KCNIP4: variants seen among roughly 807,000 people sequenced by gnomAD.
KCNIP4 encodes Kv channel-interacting protein 4.
A neutral mutation model predicts 34.0 loss-of-function variants in KCNIP4; 12 were observed. The ratio of observed to expected loss-of-function variants is 0.35; its 90% confidence interval spans 0.23 to 0.57. KCNIP4 has a LOEUF of 0.57. Among genes scored for constraint, KCNIP4 ranks in the 20% least tolerant of loss-of-function variants. The pLI, the probability that KCNIP4 is intolerant of heterozygous loss-of-function variation, is 0.83. For missense variants in KCNIP4, 238 were observed against 311.7 expected (o/e 0.76, Z 1.78); for synonymous variants, 124 against 102.2 (o/e 1.21, Z -1.29).
chr4:21,798,092 CCTT>C (rs905374454), intron 1 of KCNIP4, among the ~76,000 whole-genome samples: 1 of 151,130 alleles, frequency 6.6e-6, no homozygotes, highest in Non-Finnish European at 1.5e-5. Context: ...CTTTCTCTCT[CCTT>C]AAGATGTTGC....
chr4:21,394,680 T>A (rs939762810), intron 1 of KCNIP4, among the ~76,000 whole-genome samples: 3 of 152,150 alleles, frequency 2.0e-5, no homozygotes, highest in Non-Finnish European at 4.4e-5. Context: ...AGAAAGACAG[T>A]CCTACTCTCA....
intron 1 of KCNIP4, among the ~76,000 whole-genome samples, chr4:20,986,605 T>C (rs1736601711): frequency 6.6e-6 from 1 of 152,214 alleles, no homozygotes; most frequent in Non-Finnish European, 1.5e-5. Flanking sequence ...GTCACATGGT[T>C]AGAAAACCCA....
At chr4:21,008,563 G>T (rs1016204853) in intron 1 of KCNIP4, among the ~76,000 whole-genome samples, 3 of 150,658 alleles carry the variant, frequency 2.0e-5, no homozygotes, top group African/African-American at 7.4e-5. Context: ...TCGCTCTGTC[G>T]CCCAGGTTGG....
chr4:21,628,676 A>G (rs1005194443), intron 1 of KCNIP4, among the ~76,000 whole-genome samples: 1 of 152,150 alleles, frequency 6.6e-6, no homozygotes, highest in Non-Finnish European at 1.5e-5. Flanking sequence ...ACTATTATTC[A>G]ATGTGATCCT....
At chr4:21,044,595 C>A (rs1207223592) in intron 1 of KCNIP4, among the ~76,000 whole-genome samples, 2 of 152,226 alleles carry the variant, frequency 1.3e-5, no homozygotes, top group Non-Finnish European at 2.9e-5. Flanking sequence ...CAGGCATGAG[C>A]CACCATGCCC....
At chr4:21,727,111 T>C (rs1715251450) in intron 1 of KCNIP4, among the ~76,000 whole-genome samples, 1 of 152,194 alleles carries the variant, frequency 6.6e-6, no homozygotes, top group South Asian at 2.1e-4. Flanking sequence ...ATACTCTAAA[T>C]GTGTTCCTCC....
At chr4:21,936,918 G>A (rs568020872) in intron 1 of KCNIP4, among the ~76,000 whole-genome samples, 8 of 152,064 alleles carry the variant, frequency 5.3e-5, no homozygotes, top group Non-Finnish European at 7.4e-5. Context: ...CGTTTCCCTG[G>A]TTTCACCTCT....
At chr4:21,418,875 G>A (rs747891823) in intron 1 of KCNIP4, among the ~76,000 whole-genome samples, 8 of 152,164 alleles carry the variant, frequency 5.3e-5, no homozygotes, top group African/African-American at 1.7e-4. Context: ...TTCCCTACAA[G>A]AGCCAGATAA....
chr4:21,362,511 G>T (rs781172944), intron 1 of KCNIP4, among the ~76,000 whole-genome samples: 7 of 152,108 alleles, frequency 4.6e-5, no homozygotes, highest in Non-Finnish European at 1.0e-4. Flanking sequence ...TTCTAGCTAG[G>T]TAATCTTGGG....
At chr4:21,735,886 G>A (rs1715961381) in intron 1 of KCNIP4, among the ~76,000 whole-genome samples, 1 of 152,164 alleles carries the variant, frequency 6.6e-6, no homozygotes, top group Admixed American at 6.5e-5. Context: ...TCTAATGAGA[G>A]CTCTTCACCT....
chr4:21,636,179 A>G (rs1746138476), intron 1 of KCNIP4, among the ~76,000 whole-genome samples: 1 of 151,074 alleles, frequency 6.6e-6, no homozygotes, highest in African/African-American at 2.4e-5. Context: ...TAGGTGATAT[A>G]CCTAACGCTA....
intron 1 of KCNIP4, among the ~76,000 whole-genome samples, chr4:21,347,816 A>C (rs188792056): frequency 5.7e-4 from 87 of 152,230 alleles, no homozygotes; most frequent in African/African-American, 2.0e-3. Flanking sequence ...GATCATGTGG[A>C]GTCTCAGGGA....
intron 1 of KCNIP4, among the ~76,000 whole-genome samples, chr4:21,333,891 G>A (rs1014717423): frequency 6.6e-6 from 1 of 152,118 alleles, no homozygotes; most frequent in Non-Finnish European, 1.5e-5. Context: ...TAATAACTCG[G>A]TGCAAAAACT....
intron 1 of KCNIP4, among the ~76,000 whole-genome samples, chr4:21,620,680 C>T (rs1744942292): frequency 2.0e-5 from 3 of 152,160 alleles, no homozygotes; most frequent in Non-Finnish European, 2.9e-5. Context: ...CCTGAACAAT[C>T]AGCCCTAGCT....
At chr4:21,675,910 G>A (rs971751631) in intron 1 of KCNIP4, among the ~76,000 whole-genome samples, 4 of 152,136 alleles carry the variant, frequency 2.6e-5, no homozygotes, top group Admixed American at 6.6e-5. Context: ...TATACCTGGA[G>A]GACTTGTGAT....
At chr4:20,890,688 T>C (rs1336401466) in intron 1 of KCNIP4, among the ~76,000 whole-genome samples, 1 of 152,152 alleles carries the variant, frequency 6.6e-6, no homozygotes, top group Non-Finnish European at 1.5e-5. Context: ...ACTAGTATAC[T>C]AGTACTTCAA....
chr4:20,982,180 C>T (rs1423144220), intron 1 of KCNIP4, among the ~76,000 whole-genome samples: 1 of 152,140 alleles, frequency 6.6e-6, no homozygotes, highest in Non-Finnish European at 1.5e-5. Context: ...CCTCATAATG[C>T]TGTGAAAGTT....
At chr4:21,275,587 A>C (rs1762389020) in intron 1 of KCNIP4, among the ~76,000 whole-genome samples, 1 of 152,326 alleles carries the variant, frequency 6.6e-6, no homozygotes, top group Non-Finnish European at 1.5e-5. Context: ...CCTATGAGAA[A>C]GCCTAGTGCA....
intron 3 of KCNIP4, among the ~76,000 whole-genome samples, chr4:20,843,501 A>C (rs112863767): frequency 0.013 from 1,904 of 152,226 alleles, 21 homozygotes; most frequent in Non-Finnish European, 0.018. Context: ...AGGTGGAGGC[A>C]GGCGGATCAC....
Sources: gnomAD v4.1 joint callset for allele counts (sites outside exome capture counted in the v4.1 genomes callset) on GRCh38, gnomAD v4.1.1 for gene constraint, MANE v1.5 for transcripts, NCBI Gene and HGNC (gene_info 2026-07-23, HGNC 2026-07-21) for gene names.